Variants in WDR7 observed in about 807,000 individuals in gnomAD.
WDR7 encodes WD repeat-containing protein 7.
WDR7 carries 46 observed loss-of-function variants against 169.4 expected under a neutral mutation model. The ratio of observed to expected loss-of-function variants is 0.27; its 90% CI spans 0.21 to 0.35. The LOEUF (loss-of-function observed/expected upper bound fraction) is 0.35. WDR7 is among the 10% of genes least tolerant of loss of function. The pLI is 1.00. For synonymous variants in WDR7, 612 were observed against 666.8 expected (o/e 0.92, Z 1.27); for missense variants, 1,534 against 1,859.3 (o/e 0.83, Z 3.22).
intron 26 of WDR7, among the ~76,000 whole-genome samples, chr18:57,012,603 G>A (rs1312462590): frequency 6.6e-6 from 1 of 152,212 alleles, no homozygotes; most frequent in African/African-American, 2.4e-5. Flanking sequence ...GTAGCTGCCT[G>A]GGCTGGGGCT....
intron 14 of WDR7, among the ~76,000 whole-genome samples, chr18:56,754,306 T>C (rs967026773): frequency 2.0e-5 from 3 of 149,904 alleles, no homozygotes; most frequent in Non-Finnish European, 4.4e-5. Flanking sequence ...TGTGTGTATG[T>C]ATATACATAT....
At chr18:56,688,960 G>T (rs1482103933) in intron 7 of WDR7, among the ~76,000 whole-genome samples, 2 of 152,110 alleles carry the variant, frequency 1.3e-5, no homozygotes, top group African/African-American at 4.8e-5. Context: ...AGATGATGAA[G>T]AATTGTCCAG....
At chr18:56,760,974 T>C (rs2043972461) in intron 16 of WDR7, among the ~76,000 whole-genome samples, 2 of 152,186 alleles carry the variant, frequency 1.3e-5, no homozygotes, top group South Asian at 4.1e-4. Flanking sequence ...TTAAACACAT[T>C]TTATATGTTG....
chr18:56,983,338 C>G (rs2047671762), intron 26 of WDR7, among the ~76,000 whole-genome samples: 1 of 152,134 alleles, frequency 6.6e-6, no homozygotes, highest in African/African-American at 2.4e-5. Flanking sequence ...AGCCACCTTT[C>G]CTATTTTCAA....
chr18:56,790,127 C>A (rs1272390609), intron 19 of WDR7, among the ~76,000 whole-genome samples: 1 of 152,106 alleles, frequency 6.6e-6, no homozygotes, highest in African/African-American at 2.4e-5. Context: ...ACATGAATAC[C>A]GGAACGTGTC....
chr18:56,849,959 C>T (rs551831162), intron 20 of WDR7, among the ~76,000 whole-genome samples: 5 of 152,256 alleles, frequency 3.3e-5, no homozygotes, highest in African/African-American at 1.2e-4. Context: ...TCCTGTGTGC[C>T]TCCATCCCTT....
chr18:56,716,537 A>G (rs972345570), intron 12 of WDR7, among the ~76,000 whole-genome samples: 4 of 152,202 alleles, frequency 2.6e-5, no homozygotes, highest in Admixed American at 6.5e-5. Context: ...ACAAAAGTAA[A>G]CATTATGCTA....
intron 6 of WDR7, among the ~76,000 whole-genome samples, chr18:56,686,608 A>G (rs2025449085): frequency 6.6e-6 from 1 of 152,300 alleles, no homozygotes; most frequent in Non-Finnish European, 1.5e-5. Flanking sequence ...TGTCATTACC[A>G]GAGTGATGAT....
rs977875096 is a variant in WDR7 at position 56,988,591 on chromosome 18, G to GT, written c.4164+26063dup. Among the ~76,000 whole-genome samples, 3 of 4,824 alleles carry GT rather than the reference G, an allele frequency of 6.2e-4. No homozygotes were observed. In the African/African-American group the frequency reaches 8.6e-3, roughly 14 times the overall value. The allele number at this position is 4,824 out of a possible 152,430, so 3.2% of individuals were successfully genotyped here. A position where few individuals can be genotyped will look rare whatever the true frequency, so the allele number is the denominator to read the frequency against. On this transcript the variant is annotated intron_variant, in intron 26 of 27. Transcript: ENST00000254442. ...AGAAGAAAGACCTCATGGAAGGCAAGTGTGTGTGTGTGTGTGTGTGTGTGT... is the reference window on the plus strand; with the variant it reads ...AGAAGAAAGACCTCATGGAAGGCAAGTTGTGTGTGTGTGTGTGTGTGTGTGT...
chr18:56,910,664 A>G (rs1480973585), intron 21 of WDR7, among the ~76,000 whole-genome samples: 1 of 152,216 alleles, frequency 6.6e-6, no homozygotes, highest in Non-Finnish European at 1.5e-5. Context: ...AAGCTTCTCT[A>G]AAGGGTAATC....
intron 20 of WDR7, among the ~76,000 whole-genome samples, chr18:56,875,695 A>C (rs1471652820): frequency 6.6e-6 from 1 of 152,200 alleles, no homozygotes; most frequent in South Asian, 2.1e-4. Context: ...GAAAGTTCTC[A>C]TTGATTCTGT....
At chr18:56,746,705 A>G (rs2043709949) in intron 14 of WDR7, among the ~76,000 whole-genome samples, 2 of 152,154 alleles carry the variant, frequency 1.3e-5, no homozygotes, top group African/African-American at 4.8e-5. Context: ...TACTTATTCT[A>G]TTGTACTAGT....
intron 14 of WDR7, among the ~76,000 whole-genome samples, chr18:56,732,320 A>T (rs2026604207): frequency 6.6e-6 from 1 of 152,232 alleles, no homozygotes; most frequent in Non-Finnish European, 1.5e-5. Context: ...TCAAACCTAG[A>T]GACAATCTCA....
intron 20 of WDR7, among the ~76,000 whole-genome samples, chr18:56,852,280 T>C (rs1430288054): frequency 6.6e-6 from 1 of 152,184 alleles, no homozygotes; most frequent in Non-Finnish European, 1.5e-5. Context: ...GGCTCAGTTG[T>C]TGAGAAAGGA....
At chr18:57,020,940 C>G (rs1032928918) in intron 27 of WDR7, 91 bp downstream of exon 27, 1 of 1,089,176 alleles carries the variant, frequency 9.2e-7, no homozygotes, top group Non-Finnish European at 1.4e-6. Context: ...TGCCGGCCCT[C>G]CTTCCTGTCC....
At chr18:56,901,665 T>A (rs1232638387) in intron 21 of WDR7, among the ~76,000 whole-genome samples, 2 of 152,180 alleles carry the variant, frequency 1.3e-5, no homozygotes, top group Admixed American at 1.3e-4. Flanking sequence ...TATATTTAAC[T>A]TTTATTTGCC....
At chr18:56,862,890 A>G (rs1005773682) in intron 20 of WDR7, among the ~76,000 whole-genome samples, 1 of 151,844 alleles carries the variant, frequency 6.6e-6, no homozygotes, top group African/African-American at 2.4e-5. Flanking sequence ...AAGAATCAGG[A>G]TAAGTTGCAA....
At chr18:56,790,798 G>T (rs564034947) in intron 19 of WDR7, among the ~76,000 whole-genome samples, 1 of 151,786 alleles carries the variant, frequency 6.6e-6, no homozygotes, top group Non-Finnish European at 1.5e-5. Flanking sequence ...TGGTTTCATC[G>T]TGCATGACAT....
At chr18:57,032,099 G>C (rs138684816), downstream of WDR7, 1 of 152,174 alleles carries the variant, frequency 6.6e-6, no homozygotes, top group Admixed American at 6.5e-5. Context: ...ACCAAAATTT[G>C]TAGACATGAA....
Sources: gnomAD v4.1 joint callset for allele counts (sites outside exome capture counted in the v4.1 genomes callset) on GRCh38, gnomAD v4.1.1 for gene constraint, MANE v1.5 for transcripts, NCBI Gene and HGNC (gene_info 2026-07-23, HGNC 2026-07-21) for gene names.